The following ATAD2 variants were observed in gnomAD, a reference collection of about 807,000 sequenced individuals.
ATAD2 encodes the protein ATPase family AAA domain containing 2, also known as ATPase family AAA domain-containing protein 2.
In ATAD2, 62 loss-of-function variants were observed where a neutral mutation model predicts 168.9. The observed-to-expected ratio is 0.37, with a 90% CI of 0.30 to 0.45. The LOEUF is 0.45. ATAD2 is among the 20% of genes least tolerant of loss of function. The probability of loss-of-function intolerance (pLI) is 1.00; values close to 1 mark genes in which losing one functional copy is unlikely to be tolerated. For synonymous variants in ATAD2, 613 were observed against 571.6 expected (o/e 1.07, Z -1.03); for missense variants, 1,419 against 1,667.8 (o/e 0.85, Z 2.60).
intron 1 of ATAD2, among the ~76,000 whole-genome samples, chr8:123,387,639 TAGTTCTTTAAAAGTGA>T (rs1293580728): frequency 6.6e-6 from 1 of 152,214 alleles, no homozygotes; most frequent in Non-Finnish European, 1.5e-5. Flanking sequence ...AGAGCACTTA[TAGTTCTTTAAAAGTGA>T]AGTTTTAAGA....
At position 123,394,086 on chromosome 8, in the gene ATAD2, T is replaced by G. The variant is rs922627899; in HGVS notation, c.171+2101A>C. ...AGTCAACAACAACCTAAGGTTTTTT[T>G]TCCTGAGGAACTGAAAAAAAAAAAC... On this transcript the variant is annotated intron_variant, in intron 1 of 27. Transcript: ENST00000287394. Among the ~76,000 whole-genome samples the G allele has an allele frequency of 2.6e-5, 4 of 152,144 alleles. No individual in the cohort carries two copies. The East Asian group carries it at 7.7e-4, about 29-fold the overall frequency.
intron 1 of ATAD2, chr8:123,401,607 G>C (rs939653366): frequency 8.6e-7 from 1 of 1,157,586 alleles, no homozygotes; most frequent in East Asian, 2.4e-5. Context: ...CCAGGGCACT[G>C]TGTGTACAAG....
chr8:123,342,925 C>G (rs1414151227), intron 19 of ATAD2, among the ~76,000 whole-genome samples: 1 of 152,116 alleles, frequency 6.6e-6, no homozygotes, highest in Non-Finnish European at 1.5e-5. Context: ...TGTCCCTCAG[C>G]TATTCCAATG....
chr8:123,340,789 G>A (rs550764587), intron 19 of ATAD2, among the ~76,000 whole-genome samples: 28 of 152,228 alleles, frequency 1.8e-4, no homozygotes, highest in African/African-American at 6.0e-4. Context: ...GAGGGCTGTG[G>A]GAAGATAGAA....
upstream of ATAD2, chr8:123,400,635 G>A (rs548543048): frequency 2.7e-5 from 18 of 659,468 alleles, no homozygotes; most frequent in East Asian, 2.1e-4. This position sits in a 1 kb window ranked among gnomAD's most constrained non-coding sequence, Gnocchi z 4.5. Flanking sequence ...GGCTCACCAC[G>A]CAGCAGCTCT....
At chr8:123,351,313 G>A (rs1828450576) in intron 13 of ATAD2, among the ~76,000 whole-genome samples, 1 of 152,026 alleles carries the variant, frequency 6.6e-6, no homozygotes, top group African/African-American at 2.4e-5. Flanking sequence ...CTGACATTTT[G>A]GGCCAGATAA....
At chr8:123,359,160 A>G in intron 11 of ATAD2, 61 bp downstream of exon 11, 1 of 1,249,636 alleles carries the variant, frequency 8.0e-7, no homozygotes, top group Non-Finnish European at 1.1e-6. Context: ...AAGGTATAAG[A>G]ACTACAAGAA....
intron 4 of ATAD2, 25 bp downstream of exon 4, chr8:123,371,645 C>G: frequency 3.8e-6 from 6 of 1,577,514 alleles, no homozygotes; most frequent in Non-Finnish European, 4.3e-6. Flanking sequence ...GATAAATCAT[C>G]TTGATCTAAG....
rs201485553 is a variant in ATAD2, at chr8:123,357,779, G to A, written c.1383-43C>T. 1.0e-3 allele frequency: 1,515 copies of A among 1,509,234 alleles called. 3 individuals are homozygous for A. Among genetic ancestry groups the A allele is most frequent in the Non-Finnish European group, 1.3e-3 (1,430 of 1,127,846 alleles). The allele number at this position is 1,509,234 out of a possible 1,614,324, so 93.5% of individuals were successfully genotyped here. The stretch of plus-strand genomic sequence containing the variant: ...AACATTTTAGTATTACATTTAAAAA[G>A]CAGACTTTTAAAACAAAAATTAGAA... On this transcript the variant is annotated intron_variant, in intron 11 of 27. Transcript: ENST00000287394.
At chr8:123,353,456 T>C (rs1244280373) in intron 13 of ATAD2, among the ~76,000 whole-genome samples, 1 of 152,186 alleles carries the variant, frequency 6.6e-6, no homozygotes, top group Non-Finnish European at 1.5e-5. Context: ...AGGTATTTGA[T>C]ATATTTCTAT....
At chr8:123,323,665 C>G (rs1827533574) in intron 26 of ATAD2, among the ~76,000 whole-genome samples, 1 of 151,966 alleles carries the variant, frequency 6.6e-6, no homozygotes, top group Non-Finnish European at 1.5e-5. Flanking sequence ...CTAAAATGGC[C>G]ATAGGTAATG....
intron 14 of ATAD2, among the ~76,000 whole-genome samples, chr8:123,348,911 A>T (rs1828354806): frequency 6.6e-6 from 1 of 152,124 alleles, no homozygotes. Flanking sequence ...CTCTTGACAT[A>T]TTTTCCTCTT....
At chr8:123,389,052 C>T (rs1157587548) in intron 1 of ATAD2, among the ~76,000 whole-genome samples, 3 of 150,908 alleles carry the variant, frequency 2.0e-5, no homozygotes, top group Admixed American at 6.6e-5. Flanking sequence ...CTGCAAGCTC[C>T]GCCTCCTGGG....
At chr8:123,394,694 T>G (rs1302973833) in intron 1 of ATAD2, among the ~76,000 whole-genome samples, 3 of 152,226 alleles carry the variant, frequency 2.0e-5, no homozygotes, top group Non-Finnish European at 4.4e-5. Context: ...TACGTATCAT[T>G]ATGTTCACAG....
At chr8:123,389,133 ATT>A (rs71310669) in intron 1 of ATAD2, among the ~76,000 whole-genome samples, 2 of 129,552 alleles carry the variant, frequency 1.5e-5, no homozygotes, top group Admixed American at 8.0e-5. Context: ...CGCCCGGCTA[ATT>A]TTTTTTTTTT....
At chr8:123,358,857 C>A (rs1365396188) in intron 11 of ATAD2, among the ~76,000 whole-genome samples, 3 of 151,438 alleles carry the variant, frequency 2.0e-5, no homozygotes, top group East Asian at 3.9e-4. Context: ...GCGCACGCCG[C>A]CAGGCCTGGC....
At chr8:123,360,824 G>C (rs1338944270) in intron 9 of ATAD2, among the ~76,000 whole-genome samples, 1 of 151,690 alleles carries the variant, frequency 6.6e-6, no homozygotes, top group African/African-American at 2.4e-5. Flanking sequence ...ATATTTATTG[G>C]GAAAATCAAA....
At position 123,345,047 on chromosome 8, in the gene ATAD2, G is replaced by C. The variant is rs761619978; in HGVS notation, c.2555C>G (p.Thr852Arg). The C allele has an allele frequency of 2.5e-6, 4 of 1,610,060 alleles. No homozygotes were observed. In the East Asian group the frequency reaches 8.9e-5, roughly 36 times the overall value. Reference protein sequence around the residue: ...CAQVIREAKRTAPSIVYVPHI... With the variant: ...CAQVIREAKRRAPSIVYVPHI... ...AGGAACATACACTATACTTGGTGCT[G>C]TTCTCTTAGCTTCACGAATCACCTA... The change falls in exon 19 of 28, where the codon ACA becomes AGA. Residue 852 changes from threonine (T) to arginine (R), a missense_variant. Thr to Arg is a moderately conservative substitution (Grantham distance 71). Coordinates refer to ENST00000287394, the MANE Select transcript of ATAD2 (RefSeq NM_014109.4).
intron 8 of ATAD2, among the ~76,000 whole-genome samples, chr8:123,362,338 G>T (rs1828852464): frequency 6.7e-6 from 1 of 148,644 alleles, no homozygotes; most frequent in African/African-American, 2.5e-5. Context: ...ACTGTAATTT[G>T]AAACTATTTT....
Sources: gnomAD v4.1 joint callset for allele counts (sites outside exome capture counted in the v4.1 genomes callset) on GRCh38, gnomAD v4.1.1 for gene constraint, Gnocchi (gnomAD v3.1) non-coding constraint, MANE v1.5 for transcripts, NCBI Gene and HGNC (gene_info 2026-07-23, HGNC 2026-07-21) for gene names.